Variants in MGAM2 observed in about 807,000 individuals in gnomAD.
MGAM2 encodes maltase-glucoamylase 2 (putative).
Under a neutral mutation model 96.1 loss-of-function variants are expected in MGAM2, and 98 were observed. The ratio of observed to expected loss-of-function variants is 1.02; its 90% CI spans 0.87 to 1.21. The LOEUF (loss-of-function observed/expected upper bound fraction) is 1.21, where lower values mean the gene tolerates loss of function less well. Among genes scored for constraint, MGAM2 ranks in the 50% most tolerant of loss-of-function variants. The pLI is 0.00. For missense variants in MGAM2, 2,055 were observed against 1,182.4 expected (o/e 1.74, Z -10.82); for synonymous variants, 749 against 414.8 (o/e 1.81, Z -9.79).
At position 142,166,227 on chromosome 7, in the gene MGAM2, T is replaced by A; in HGVS notation, c.2782T>A (p.Cys928Ser). The A allele has an allele frequency of 1.4e-6, 1 of 702,024 alleles. No individual in the cohort carries two copies. The allele number at this position is 702,024 out of a possible 1,614,324, so 43.5% of individuals were successfully genotyped here. The change falls in exon 25 of 48, where the codon TGT (cysteine) becomes AGT (serine). Residue 928 changes from cysteine (C) to serine (S), a missense_variant. Coordinates refer to ENST00000477922, the MANE Select transcript of MGAM2 (RefSeq NM_001293626.2). ...PDDPTASEESCRQRGCLWEDT... is the reference protein window; with the variant it reads ...PDDPTASEESSRQRGCLWEDT... ...TGATCCAACAGCCTCTGAGGAGAGT[T>A]GTAGGCAGCGGGGGTGTCTTTGGGA... is the stretch of plus-strand genomic sequence containing the variant.
Position 142,172,664 on chromosome 7 carries a change from A to G in MGAM2, c.3461A>G (p.Gln1154Arg), listed in dbSNP as rs1217820044. 1.4e-6 allele frequency: 1 copy of G among 701,896 alleles called. No individual in the cohort carries two copies. Among genetic ancestry groups the G allele is most frequent in the Non-Finnish European group, 2.6e-6 (1 of 384,722 alleles). 43.5% of individuals were successfully genotyped at this position (701,896 alleles called of 1,614,324 possible). A position where few individuals can be genotyped will look rare whatever the true frequency, so the allele number is the denominator to read the frequency against. Residue 1154 changes from glutamine to arginine, a missense_variant, in exon 30 of 48, where the codon CAG becomes CGG. By Grantham distance (43) the Gln-to-Arg change is conservative. Transcript: ENST00000477922. Reference protein sequence around the residue: ...LNSNAMDVTLQPTPALTYRTT... With the variant: ...LNSNAMDVTLRPTPALTYRTT... The stretch of plus-strand genomic sequence containing the variant: ...GTTTTTCTTACAGATGTGACATTAC[A>G]GCCCACTCCTGCTCTGACATACCGC...
At chr7:142,143,564 A>G (rs1401964489) in intron 12 of MGAM2, among the ~76,000 whole-genome samples, 1 of 152,208 alleles carries the variant, frequency 6.6e-6, no homozygotes, top group Admixed American at 6.5e-5. Flanking sequence ...GTGGCTTTTC[A>G]TTGATCTACT....
chr7:142,200,016 T>C lies in MGAM2; in HGVS notation c.5137+48T>C. On this transcript the variant is annotated intron_variant, in intron 45 of 47. Transcript: ENST00000477922. Reference sequence around the variant, plus strand: ...CCCTGTACATCACTGAGAAAAATCATACCATAGAGGCTCGGCATATAACTA... The same window carrying C: ...CCCTGTACATCACTGAGAAAAATCACACCATAGAGGCTCGGCATATAACTA... 3.2e-6 allele frequency: 2 copies of C among 616,196 alleles called. 1 individual carries two copies. The highest frequency in any genetic ancestry group is 3.9e-5 in the South Asian group (2 of 51,046). 38.2% of individuals were successfully genotyped at this position (616,196 alleles called of 1,614,324 possible). A position where few individuals can be genotyped will look rare whatever the true frequency, so the allele number is the denominator to read the frequency against.
chr7:142,158,376 C>T, intron 19 of MGAM2, 44 bp downstream of exon 19: 1 of 702,112 alleles, frequency 1.4e-6, no homozygotes, highest in African/African-American at 1.7e-5. Flanking sequence ...TTGCACTTGT[C>T]CTCATGGTTC....
intron 3 of MGAM2, among the ~76,000 whole-genome samples, chr7:142,121,222 G>A (rs186902219): frequency 6.7e-6 from 1 of 149,308 alleles, no homozygotes; most frequent in Non-Finnish European, 1.5e-5. Flanking sequence ...TTGTCTCCTG[G>A]CTGGAGTGCA....
At chr7:142,216,427 A>T (rs1290015415) in intron 46 of MGAM2, among the ~76,000 whole-genome samples, 2 of 152,186 alleles carry the variant, frequency 1.3e-5, no homozygotes, top group East Asian at 3.8e-4. Flanking sequence ...CTGATAAATG[A>T]ATTCTTATTT....
intron 15 of MGAM2, among the ~76,000 whole-genome samples, chr7:142,149,205 G>A (rs1322561327): frequency 2.0e-5 from 3 of 149,936 alleles, no homozygotes; most frequent in Admixed American, 6.7e-5. Flanking sequence ...CTCCAGCCTG[G>A]GCAACAAGAG....
At chr7:142,146,731 ATT>A (rs61025497) in intron 14 of MGAM2, among the ~76,000 whole-genome samples, 25 of 145,228 alleles carry the variant, frequency 1.7e-4, no homozygotes, top group Admixed American at 2.1e-4. Context: ...GTCACATCTT[ATT>A]TTTTTTTTTT....
intron 3 of MGAM2, among the ~76,000 whole-genome samples, chr7:142,123,902 G>A (rs4628182): frequency 6.7e-6 from 1 of 148,624 alleles, no homozygotes; most frequent in African/African-American, 2.5e-5. Context: ...TCCTTCAAAT[G>A]TAGGTCTTTT....
intron 3 of MGAM2, among the ~76,000 whole-genome samples, chr7:142,129,434 G>C (rs1794819316): frequency 6.6e-6 from 1 of 151,620 alleles, no homozygotes; most frequent in Admixed American, 6.6e-5. Flanking sequence ...TTTGAGAGGG[G>C]CCCGGTGCAG....
chr7:142,217,388 G>C (rs973594807), intron 46 of MGAM2, among the ~76,000 whole-genome samples: 6 of 152,212 alleles, frequency 3.9e-5, no homozygotes, highest in African/African-American at 1.4e-4. Flanking sequence ...TGTCGCTTTG[G>C]ACTACTCACT....
intron 26 of MGAM2, among the ~76,000 whole-genome samples, chr7:142,169,377 G>A (rs1040789461): frequency 2.0e-5 from 3 of 151,880 alleles, no homozygotes; most frequent in East Asian, 1.9e-4. Context: ...AGCCGAGATC[G>A]CACCACTGCA....
intron 1 of MGAM2, among the ~76,000 whole-genome samples, chr7:142,116,606 C>T (rs929452745): frequency 7.9e-5 from 12 of 152,204 alleles, no homozygotes; most frequent in African/African-American, 2.9e-4. Context: ...CCCTTCAGTT[C>T]TTCATGTCTG....
At chr7:142,159,686 G>A (rs113885875) in intron 20 of MGAM2, among the ~76,000 whole-genome samples, 1,737 of 152,236 alleles carry the variant, frequency 0.011, 41 homozygotes, top group African/African-American at 0.04. Flanking sequence ...CCTCACAAAA[G>A]TCTCCCCACC....
chr7:142,158,328 A>G lies in MGAM2; in HGVS notation c.2159A>G (p.Tyr720Cys), dbSNP rs1354549996. 2.8e-6 allele frequency: 2 copies of G among 702,842 alleles called. No individual in the cohort carries two copies. The highest frequency in any genetic ancestry group is 4.0e-5 in the Admixed American group (2 of 49,986). 43.5% of individuals were successfully genotyped at this position (702,842 alleles called of 1,614,324 possible). Residue 720 changes from tyrosine to cysteine, a missense_variant, in exon 19 of 48, where the codon TAT becomes TGT. Physicochemically the swap from Tyr to Cys is radical, Grantham distance 194 (BLOSUM62 -2). Coordinates refer to ENST00000477922, the MANE Select transcript of MGAM2 (RefSeq NM_001293626.2). Reference protein sequence around the residue: ...GPGLLITPVLYEGVDEVKAYI... With the variant: ...GPGLLITPVLCEGVDEVKAYI... ...GGACTCCTCATCACGCCTGTTTTAT[A>G]TGAAGTATGTTTATCATCTAAACAA...
intron 37 of MGAM2, among the ~76,000 whole-genome samples, chr7:142,194,689 T>C (rs1021454608): frequency 1.1e-5 from 1 of 93,034 alleles, no homozygotes; most frequent in Non-Finnish European, 2.2e-5. Context: ...TAATAGAACA[T>C]GTGTGTATGT....
Position 142,218,451 on chromosome 7 carries a change from A to G in MGAM2, c.5278A>G (p.Thr1760Ala), listed in dbSNP as rs1218820633. ...VGYIRIWGVN[T>A]YVTQVSFTYD... ...GTATATTAGAATCTGGGGTGTGAAT[A>G]CCTATGTGACACAAGTCAGTTTCAC... Residue 1760 changes from threonine to alanine, a missense_variant, in exon 47 of 48, where the codon ACC becomes GCC. Physicochemically the swap from Thr to Ala is moderately conservative, Grantham distance 58. Coordinates refer to ENST00000477922, the MANE Select transcript of MGAM2 (RefSeq NM_001293626.2). 2.8e-6 allele frequency: 2 copies of G among 702,440 alleles called. No homozygotes were observed. The highest frequency in any genetic ancestry group is 2.6e-6 in the Non-Finnish European group (1 of 384,874). 43.5% of individuals were successfully genotyped at this position (702,440 alleles called of 1,614,324 possible).
chr7:142,214,501 C>A (rs1252167649), intron 46 of MGAM2, among the ~76,000 whole-genome samples: 1 of 152,026 alleles, frequency 6.6e-6, no homozygotes, highest in African/African-American at 2.4e-5. Flanking sequence ...ACAAGCATTT[C>A]GATACACCAA....
intron 22 of MGAM2, among the ~76,000 whole-genome samples, chr7:142,161,694 G>GGATAGATACAATGCACACATA (rs1288799548): frequency 6.6e-6 from 1 of 152,092 alleles, no homozygotes. Flanking sequence ...TGATCCAGCA[G>GGATAGATACAATGCACACATA]GATAGATACA....
Sources: gnomAD v4.1 joint callset for allele counts (sites outside exome capture counted in the v4.1 genomes callset) on GRCh38, gnomAD v4.1.1 for gene constraint, MANE v1.5 for transcripts, NCBI Gene and HGNC (gene_info 2026-07-23, HGNC 2026-07-21) for gene names.